The following GRK7 variants were observed in gnomAD, a reference collection of about 807,000 sequenced individuals.
GRK7 encodes the protein rhodopsin kinase GRK7.
In GRK7, 24 loss-of-function variants were observed where a neutral mutation model predicts 34.1. The ratio of observed to expected loss-of-function variants is 0.70; its 90% confidence interval spans 0.51 to 0.99. The LOEUF is 0.99. Among genes scored for constraint, GRK7 ranks in the 50% least tolerant of loss-of-function variants. The pLI is 0.00. For missense variants in GRK7, 644 were observed against 707.3 expected (o/e 0.91, Z 1.02); for synonymous variants, 256 against 279.4 (o/e 0.92, Z 0.84).
rs772751848 is a variant in GRK7, at chr3:141,778,268, G to T, written c.-17G>T. 6.5e-7 allele frequency: 1 copy of T among 1,538,732 alleles called. No individual in the cohort carries two copies. The highest frequency in any genetic ancestry group is 2.0e-5 in the Admixed American group (1 of 50,040). The stretch of plus-strand genomic sequence containing the variant: ...GCCCTCTTGTGCTTTCCCTGGGAGT[G>T]CGCCCCGTGCTCAGCCATGGTGGAC... On this transcript the variant is annotated 5_prime_UTR_variant, in exon 3 of 6. Coordinates refer to ENST00000682958, the MANE Select transcript of GRK7 (RefSeq NM_139209.3). This position sits in a 1 kb window ranked among gnomAD's most constrained non-coding sequence, Gnocchi z 4.1.
rs151124237 is a variant in GRK7, at chr3:141,807,746, G to T, written c.1152G>T (p.Met384Ile). 3.3e-5 allele frequency: 54 copies of T among 1,614,066 alleles called. No homozygotes were observed. The highest frequency in any genetic ancestry group is 3.3e-4 in the African/African-American group (25 of 75,036). Residue 384 changes from methionine to isoleucine, a missense_variant, in exon 5 of 6, where the codon ATG becomes ATT. Transcript: ENST00000682958. ...WFAMGCSIYE[M>I]VAGRTPFKDY... ...CCATGGGATGCAGCATTTATGAAAT[G>T]GTTGCTGGACGAACACCATTCAAAG...
intron 5 of GRK7, among the ~76,000 whole-genome samples, chr3:141,808,693 A>G (rs1711061027): frequency 6.6e-6 from 1 of 152,080 alleles, no homozygotes; most frequent in Admixed American, 6.5e-5. Flanking sequence ...AGCCTGGGTG[A>G]CAGAGTGAAA....
chr3:141,790,985 T>G (rs1385362013), intron 4 of GRK7, among the ~76,000 whole-genome samples: 1 of 152,222 alleles, frequency 6.6e-6, no homozygotes, highest in African/African-American at 2.4e-5. Context: ...ATAGGAATAT[T>G]GGGGAGTGAG....
upstream of GRK7, among the ~76,000 whole-genome samples, chr3:141,760,287 T>A (rs2084549467): frequency 8.7e-6 from 1 of 115,300 alleles, no homozygotes; most frequent in Non-Finnish European, 1.8e-5. Context: ...CTGCTTTGAA[T>A]GCGTCCCAGA....
intron 4 of GRK7, among the ~76,000 whole-genome samples, chr3:141,783,466 C>T (rs1328203570): frequency 6.6e-6 from 1 of 151,848 alleles, no homozygotes; most frequent in Non-Finnish European, 1.5e-5. Flanking sequence ...GAGCAGGTAA[C>T]TAGCAGCCTC....
At chr3:141,752,417 A>T in the GRK7 span, among the ~76,000 whole-genome samples, 23 of 152,182 alleles carry the variant, frequency 1.5e-4, no homozygotes, top group Non-Finnish European at 3.2e-4. Context: ...ATGCTGCTAA[A>T]CGTCCACAAG....
intron 5 of GRK7, among the ~76,000 whole-genome samples, chr3:141,812,062 G>A (rs1198688864): frequency 6.6e-6 from 1 of 152,228 alleles, no homozygotes; most frequent in Non-Finnish European, 1.5e-5. Flanking sequence ...TGATTTAAGT[G>A]CTTCTCCAAC....
At chr3:141,785,013 T>C (rs1405071554) in intron 4 of GRK7, among the ~76,000 whole-genome samples, 2 of 152,220 alleles carry the variant, frequency 1.3e-5, no homozygotes, top group Non-Finnish European at 2.9e-5. Flanking sequence ...ACTCTCATCC[T>C]CTCACCAGAC....
intron 2 of GRK7, among the ~76,000 whole-genome samples, chr3:141,775,790 TG>T (rs1395024256): frequency 2.7e-5 from 4 of 150,010 alleles, no homozygotes; most frequent in African/African-American, 4.9e-5. Context: ...TAATTTCGCC[TG>T]TTTTTTTTTT....
intron 1 of GRK7, among the ~76,000 whole-genome samples, chr3:141,766,673 A>G (rs2084583017): frequency 6.6e-6 from 1 of 152,228 alleles, no homozygotes; most frequent in Non-Finnish European, 1.5e-5. Context: ...TAACCGTAAC[A>G]CTTTTTTTCA....
intron 1 of GRK7, among the ~76,000 whole-genome samples, chr3:141,772,336 G>A (rs1322687818): frequency 2.6e-5 from 4 of 151,856 alleles, no homozygotes; most frequent in Admixed American, 6.6e-5. Flanking sequence ...CTCATGATCC[G>A]CCCACCTTAG....
chr3:141,796,778 G>A (rs1337087943), intron 4 of GRK7, among the ~76,000 whole-genome samples: 11 of 152,186 alleles, frequency 7.2e-5, no homozygotes, highest in South Asian at 2.1e-4. Context: ...GTGAAAGAAC[G>A]GGAACTATTG....
At chr3:141,783,651 ACT>A (rs1443405645) in intron 4 of GRK7, among the ~76,000 whole-genome samples, 4 of 151,602 alleles carry the variant, frequency 2.6e-5, no homozygotes, top group African/African-American at 9.7e-5. Context: ...AGGGAATGAG[ACT>A]CTGGAAGGGG....
intron 4 of GRK7, among the ~76,000 whole-genome samples, chr3:141,792,935 A>G (rs1418326751): frequency 6.6e-6 from 1 of 152,200 alleles, no homozygotes; most frequent in Non-Finnish European, 1.5e-5. Context: ...CCAAAAGGGC[A>G]GGGTTCAGAG....
chr3:141,762,998 G>A (rs140709062), upstream of GRK7, among the ~76,000 whole-genome samples: 6,276 of 152,226 alleles, frequency 0.041, 159 homozygotes, highest in Non-Finnish European at 0.056. Flanking sequence ...CGCCCGGTGC[G>A]CGCACCCACT....
At chr3:141,790,843 C>G (rs963698484) in intron 4 of GRK7, among the ~76,000 whole-genome samples, 1 of 152,206 alleles carries the variant, frequency 6.6e-6, no homozygotes, top group Non-Finnish European at 1.5e-5. Context: ...GGATTACAGG[C>G]GTAAGCCACC....
In GRK7 at chr3:141,768,830, G is replaced by A. The variant is rs537126171; in HGVS notation, c.-215+3092G>A. On this transcript the variant is annotated intron_variant, in intron 1 of 5. Transcript: ENST00000682958. ...TCATCTCAGCCTCTCAGCAGCATTC[G>A]ATGCAGTTGGCCACTCTCTACTTGG... is the stretch of plus-strand genomic sequence containing the variant. Among the ~76,000 whole-genome samples, 28 of 152,042 alleles carry A rather than the reference G, an allele frequency of 1.8e-4. No homozygotes were observed. In the South Asian group the frequency reaches 1.9e-3, roughly 10 times the overall value.
At chr3:141,799,961 C>G (rs1322576038) in intron 4 of GRK7, among the ~76,000 whole-genome samples, 1 of 152,172 alleles carries the variant, frequency 6.6e-6, no homozygotes, top group Non-Finnish European at 1.5e-5. Context: ...ATGTCACTCA[C>G]CTTTGAAATG....
intron 4 of GRK7, among the ~76,000 whole-genome samples, chr3:141,803,451 T>G (rs528404012): frequency 6.6e-6 from 1 of 152,126 alleles, no homozygotes; most frequent in South Asian, 2.1e-4. Context: ...TTAGTATATT[T>G]ACAGAGGTGT....
Sources: gnomAD v4.1 joint callset for allele counts (sites outside exome capture counted in the v4.1 genomes callset) on GRCh38, gnomAD v4.1.1 for gene constraint, Gnocchi (gnomAD v3.1) non-coding constraint, MANE v1.5 for transcripts, NCBI Gene and HGNC (gene_info 2026-07-23, HGNC 2026-07-21) for gene names.